CHL1: variants seen among roughly 807,000 people sequenced by gnomAD.
CHL1 encodes the protein cell adhesion molecule L1 like.
CHL1 carries 96 observed loss-of-function variants against 141.9 expected under a neutral mutation model. The ratio of observed to expected loss-of-function variants is 0.68; its 90% CI spans 0.57 to 0.80. The LOEUF is 0.80. CHL1 is among the 30% of genes least tolerant of loss of function. The probability of loss-of-function intolerance (pLI) is 0.00; values close to 1 mark genes in which losing one functional copy is unlikely to be tolerated. For synonymous variants in CHL1, 613 were observed against 502.2 expected (o/e 1.22, Z -2.95); for missense variants, 1,820 against 1,457.2 (o/e 1.25, Z -4.05).
chr3:305,677 A>C (rs1043278311), intron 2 of CHL1, among the ~76,000 whole-genome samples: 3 of 151,068 alleles, frequency 2.0e-5, no homozygotes, highest in African/African-American at 7.3e-5. Context: ...AAGGCATACT[A>C]TACATTATAT....
chr3:404,104 G>A (rs1709349803), intron 27 of CHL1, among the ~76,000 whole-genome samples: 1 of 152,158 alleles, frequency 6.6e-6, no homozygotes, highest in African/African-American at 2.4e-5. Flanking sequence ...TAATCACTTA[G>A]GAGCACTGGC....
chr3:205,038 T>C (rs1223414406), intron 1 of CHL1, among the ~76,000 whole-genome samples: 1 of 152,170 alleles, frequency 6.6e-6, no homozygotes, highest in African/African-American at 2.4e-5. Flanking sequence ...TATCCTAATT[T>C]GTAACCCAGT....
intron 3 of CHL1, among the ~76,000 whole-genome samples, chr3:320,241 C>A (rs372207593): frequency 6.6e-6 from 1 of 151,766 alleles, no homozygotes; most frequent in Non-Finnish European, 1.5e-5. Flanking sequence ...CAAATTATGT[C>A]GAAAAGGAAT....
At chr3:373,735 G>C (rs1367799369) in intron 15 of CHL1, 1 of 152,370 alleles carries the variant, frequency 6.6e-6, no homozygotes, top group Non-Finnish European at 1.5e-5. Flanking sequence ...GCTAGACCCA[G>C]TGGCTGGAGT....
At chr3:328,377 C>A in intron 5 of CHL1, 23 bp downstream of exon 5, 2 of 1,570,828 alleles carry the variant, frequency 1.3e-6, no homozygotes, top group South Asian at 1.2e-5. Flanking sequence ...ACGGGAATTT[C>A]ATTTTACAAG....
At chr3:306,219 G>A (rs540199906) in intron 2 of CHL1, among the ~76,000 whole-genome samples, 125 of 152,264 alleles carry the variant, frequency 8.2e-4, no homozygotes, top group East Asian at 2.1e-3. Context: ...TAATGCCATC[G>A]TTGGAGCAGA....
rs142768441 is a variant in CHL1 at position 222,480 on chromosome 3, A to G, written c.-174-22133A>G. ...TACCTAATTACCCAATCAAACCCAAACACTTATATAACCTCCTTTCAGAAG... is the reference window on the plus strand; with the variant it reads ...TACCTAATTACCCAATCAAACCCAAGCACTTATATAACCTCCTTTCAGAAG... On this transcript the variant is annotated intron_variant, in intron 1 of 27. Coordinates refer to ENST00000256509, the MANE Select transcript of CHL1 (RefSeq NM_006614.4). 6.9e-3 allele frequency among the ~76,000 whole-genome samples: 1,055 copies of G among 152,290 alleles called. 13 individuals are homozygous for G. The highest frequency in any genetic ancestry group is 0.024 in the African/African-American group (1,016 of 41,548).
intron 2 of CHL1, among the ~76,000 whole-genome samples, chr3:289,668 T>C (rs1697487221): frequency 6.6e-6 from 1 of 152,104 alleles, no homozygotes; most frequent in African/African-American, 2.4e-5. Context: ...TGATATCTTA[T>C]GTAATACATA....
chr3:398,253 G>A lies in CHL1; in HGVS notation c.3121G>A (p.Val1041Ile). ...GSKGIGKISG[V>I]NLTQKTHPIE... Reference sequence around the variant, plus strand: ...TAAAGGTATCGGGAAGATATCAGGAGTAAATCTTACTCAAAAGACTCACCC... The same window carrying A: ...TAAAGGTATCGGGAAGATATCAGGAATAAATCTTACTCAAAAGACTCACCC... The change falls in exon 25 of 28, where the codon GTA (valine) becomes ATA (isoleucine). Residue 1041 changes from valine to isoleucine, a missense_variant. Coordinates refer to ENST00000256509, the MANE Select transcript of CHL1 (RefSeq NM_006614.4). 1.2e-6 allele frequency: 2 copies of A among 1,605,026 alleles called. No individual in the cohort carries two copies. Among genetic ancestry groups the A allele is most frequent in the Non-Finnish European group, 8.5e-7 (1 of 1,172,880 alleles).
intron 1 of CHL1, among the ~76,000 whole-genome samples, chr3:216,607 C>T (rs1023198215): frequency 6.6e-5 from 10 of 152,196 alleles, no homozygotes; most frequent in African/African-American, 2.4e-4. Flanking sequence ...AGTATCTGAA[C>T]TTCAAATTTC....
intron 3 of CHL1, among the ~76,000 whole-genome samples, chr3:323,811 G>A (rs984271371): frequency 2.6e-5 from 4 of 152,108 alleles, no homozygotes; most frequent in Non-Finnish European, 5.9e-5. Context: ...GCTGCAGTGA[G>A]CAATGATCCT....
chr3:298,648 C>T (rs1698428532), intron 2 of CHL1, among the ~76,000 whole-genome samples: 3 of 152,150 alleles, frequency 2.0e-5, no homozygotes, highest in Admixed American at 1.3e-4. Context: ...GAGGGTCTCT[C>T]ATTCATGAGT....
chr3:314,163 C>G (rs115206110), intron 2 of CHL1, among the ~76,000 whole-genome samples: 193 of 151,444 alleles, frequency 1.3e-3, no homozygotes, highest in African/African-American at 4.2e-3. Flanking sequence ...TAAAGAATCT[C>G]CTTACTGCTG....
At chr3:351,051 C>T (rs1703212442) in intron 10 of CHL1, among the ~76,000 whole-genome samples, 1 of 152,136 alleles carries the variant, frequency 6.6e-6, no homozygotes, top group Admixed American at 6.6e-5. Flanking sequence ...AGATTCTCCT[C>T]CAAGTTGCTG....
intron 1 of CHL1, among the ~76,000 whole-genome samples, chr3:221,985 C>A (rs17007879): frequency 6.6e-6 from 1 of 152,190 alleles, no homozygotes; most frequent in Non-Finnish European, 1.5e-5. Flanking sequence ...AATATCACTT[C>A]ATCTCCTTAC....
intron 10 of CHL1, among the ~76,000 whole-genome samples, chr3:352,226 G>A (rs181575447): frequency 2.6e-4 from 40 of 152,096 alleles, no homozygotes; most frequent in Middle Eastern, 3.4e-3. Context: ...CTAAAATGTT[G>A]CGATTAAATC....
At chr3:229,555 C>T (rs556496845) in intron 1 of CHL1, among the ~76,000 whole-genome samples, 22 of 152,240 alleles carry the variant, frequency 1.4e-4, no homozygotes, top group South Asian at 2.1e-4. Flanking sequence ...TTCCACAATA[C>T]GTAGCTTAGT....
At chr3:342,883 T>C in intron 7 of CHL1, 101 bp from the exon 8 acceptor site, 1 of 859,108 alleles carries the variant, frequency 1.2e-6, no homozygotes, top group South Asian at 1.8e-5. Context: ...TTCTACATCA[T>C]TTTGTAATTT....
chr3:313,781 A>G (rs1254581860), intron 2 of CHL1, among the ~76,000 whole-genome samples: 1 of 152,200 alleles, frequency 6.6e-6, no homozygotes, highest in African/African-American at 2.4e-5. Flanking sequence ...CAGTGGAAAC[A>G]TAATGCAAAG....
Sources: gnomAD v4.1 joint callset for allele counts (sites outside exome capture counted in the v4.1 genomes callset) on GRCh38, gnomAD v4.1.1 for gene constraint, MANE v1.5 for transcripts, NCBI Gene and HGNC (gene_info 2026-07-23, HGNC 2026-07-21) for gene names.